The following LYN variants were observed in gnomAD, a reference collection of about 807,000 sequenced individuals.
LYN encodes LYN proto-oncogene, Src family tyrosine kinase.
A neutral mutation model predicts 65.0 loss-of-function variants in LYN; 12 were observed. That is an observed-to-expected ratio of 0.18 (90% confidence interval 0.12 to 0.30). LYN has a LOEUF of 0.30. Ranked by LOEUF, LYN falls within the 10% of genes least tolerant of loss-of-function variation. The pLI is 1.00. For missense variants in LYN, 380 were observed against 623.2 expected (o/e 0.61, Z 4.16); for synonymous variants, 222 against 221.2 (o/e 1.00, Z -0.03).
At chr8:55,896,219 A>G (rs993321432) in intron 1 of LYN, among the ~76,000 whole-genome samples, 1 of 151,934 alleles carries the variant, frequency 6.6e-6, no homozygotes, top group African/African-American at 2.4e-5. Context: ...GCAGTGAGCT[A>G]TGATTATGCC....
rs572461838 is a variant in LYN at position 55,961,614 on chromosome 8, CT to C, written c.791-5100del. On this transcript the variant is annotated intron_variant, in intron 8 of 12. Transcript: ENST00000519728. The stretch of plus-strand genomic sequence containing the variant: ...GCAATATTTCCTGATGACTTCCCCC[CT>C]AACCTTGGAAAGCGTTTTTTTTCCT... Among the ~76,000 whole-genome samples the C allele has an allele frequency of 2.7e-3, 406 of 152,280 alleles. 1 individual carries two copies. Among genetic ancestry groups the C allele is most frequent in the African/African-American group, 9.3e-3 (388 of 41,564 alleles).
intron 10 of LYN, among the ~76,000 whole-genome samples, chr8:55,987,494 A>G (rs1808109612): frequency 6.6e-6 from 1 of 152,036 alleles, no homozygotes; most frequent in African/African-American, 2.4e-5. Context: ...GCAGTGGTGC[A>G]GTCTTGTCTT....
At chr8:55,993,321 C>G (rs1267318376) in intron 10 of LYN, among the ~76,000 whole-genome samples, 1 of 152,164 alleles carries the variant, frequency 6.6e-6, no homozygotes, top group Non-Finnish European at 1.5e-5. Flanking sequence ...GATTCCCTTT[C>G]TGAGGGGTGA....
At chr8:55,999,328 G>T in intron 11 of LYN, 90 bp from the exon 12 acceptor site, 1 of 1,179,548 alleles carries the variant, frequency 8.5e-7, no homozygotes, top group African/African-American at 1.5e-5. Flanking sequence ...CTCAAAAAAA[G>T]AAAAGAAAAG....
chr8:55,890,913 GA>G (rs1331954956), intron 1 of LYN, among the ~76,000 whole-genome samples: 1 of 151,766 alleles, frequency 6.6e-6, no homozygotes, highest in Non-Finnish European at 1.5e-5. Flanking sequence ...ATTTTTTGTA[GA>G]GATAAGGTTT....
chr8:55,967,598 G>C (rs1326048299), intron 9 of LYN, among the ~76,000 whole-genome samples: 1 of 152,158 alleles, frequency 6.6e-6, no homozygotes, highest in Non-Finnish European at 1.5e-5. Context: ...TTACAGGCAT[G>C]AGCACCCAGC....
chr8:55,984,408 C>T lies in LYN; in HGVS notation c.1051-13938C>T, dbSNP rs78998014. ...CACCCCAACTCAGTGCCTATTACCC[C>T]CTTTTCCAAAACCTGTGCCAGCAGC... On this transcript the variant is annotated intron_variant, in intron 10 of 12. Coordinates refer to ENST00000519728, the MANE Select transcript of LYN (RefSeq NM_002350.4). Among the ~76,000 whole-genome samples the T allele has an allele frequency of 1.2e-3, 182 of 152,326 alleles. 2 individuals are homozygous for T. In the East Asian group the frequency reaches 0.027, roughly 22 times the overall value.
chr8:55,885,668 C>T (rs561895043), intron 1 of LYN, among the ~76,000 whole-genome samples: 16 of 152,292 alleles, frequency 1.1e-4, no homozygotes, highest in Admixed American at 2.6e-4. Context: ...TTAACCCCCA[C>T]GGAGGTGAGG....
intron 1 of LYN, among the ~76,000 whole-genome samples, chr8:55,911,099 A>ATG (rs1563506191): frequency 0.22 from 4,730 of 21,898 alleles, 1,932 homozygotes; most frequent in African/African-American, 0.61. Flanking sequence ...ATATATATAT[A>ATG]CATACACGTA....
At chr8:55,921,774 G>A (rs1282361742) in intron 1 of LYN, among the ~76,000 whole-genome samples, 1 of 152,154 alleles carries the variant, frequency 6.6e-6, no homozygotes, top group African/African-American at 2.4e-5. Context: ...TGTCCTGTTG[G>A]CAGGAGTGTT....
intron 8 of LYN, among the ~76,000 whole-genome samples, chr8:55,960,323 T>G (rs1213059744): frequency 6.6e-6 from 1 of 152,194 alleles, no homozygotes; most frequent in Non-Finnish European, 1.5e-5. Context: ...GTTCATTTTT[T>G]AATTGTGCTT....
chr8:55,928,523 G>C (rs996266998), intron 1 of LYN, among the ~76,000 whole-genome samples: 5 of 152,112 alleles, frequency 3.3e-5, no homozygotes, highest in African/African-American at 9.7e-5. Context: ...GCCATCTGTA[G>C]CTCTTCTTTG....
chr8:55,935,419 A>C (rs1380928743), intron 1 of LYN, among the ~76,000 whole-genome samples: 2 of 152,128 alleles, frequency 1.3e-5, no homozygotes, highest in Non-Finnish European at 2.9e-5. Flanking sequence ...TAAGGCAAAA[A>C]ATCTTAGTTG....
chr8:55,995,588 G>C (rs879745954), intron 10 of LYN, among the ~76,000 whole-genome samples: 1 of 152,194 alleles, frequency 6.6e-6, no homozygotes, highest in Non-Finnish European at 1.5e-5. Flanking sequence ...GGAGCACTGG[G>C]GATGCATGCA....
At chr8:55,911,131 A>ACACATATATATACGTGTATATATATG (rs1805599605) in intron 1 of LYN, among the ~76,000 whole-genome samples, 1 of 9,164 alleles carries the variant, frequency 1.1e-4, no homozygotes, top group Non-Finnish European at 1.8e-4. Context: ...ATATATACAC[A>ACACATATATATACGTGTATATATATG]TACATATATA....
At chr8:55,907,709 T>TA (rs1805468855) in intron 1 of LYN, among the ~76,000 whole-genome samples, 2 of 151,692 alleles carry the variant, frequency 1.3e-5, no homozygotes, top group Admixed American at 1.3e-4. Context: ...TCTACAAAAA[T>TA]AAAAAAATTA....
chr8:55,887,211 C>T (rs1335891243), intron 1 of LYN, among the ~76,000 whole-genome samples: 2 of 152,274 alleles, frequency 1.3e-5, no homozygotes, highest in Non-Finnish European at 1.5e-5. Flanking sequence ...TCCCAGCACT[C>T]TGGGAGCATG....
At chr8:55,996,739 A>ACTAC (rs1485109232) in intron 10 of LYN, among the ~76,000 whole-genome samples, 1 of 152,008 alleles carries the variant, frequency 6.6e-6, no homozygotes, top group African/African-American at 2.4e-5. Flanking sequence ...TTGGAACGAT[A>ACTAC]CTACACTTTC....
At chr8:56,006,820 A>G (rs1808685362) in intron 12 of LYN, among the ~76,000 whole-genome samples, 1 of 152,250 alleles carries the variant, frequency 6.6e-6, no homozygotes, top group African/African-American at 2.4e-5. Flanking sequence ...GCCAACACCA[A>G]CTATCACATG....
Sources: gnomAD v4.1 joint callset for allele counts (sites outside exome capture counted in the v4.1 genomes callset) on GRCh38, gnomAD v4.1.1 for gene constraint, MANE v1.5 for transcripts, NCBI Gene and HGNC (gene_info 2026-07-23, HGNC 2026-07-21) for gene names.